CHRM3: variants seen among roughly 807,000 people sequenced by gnomAD.
CHRM3 encodes the protein muscarinic acetylcholine receptor M3.
In CHRM3, 11 loss-of-function variants were observed where a neutral mutation model predicts 41.8. The ratio of observed to expected loss-of-function variants is 0.26; its 90% confidence interval spans 0.17 to 0.44. The LOEUF (loss-of-function observed/expected upper bound fraction) is 0.44, where lower values mean the gene tolerates loss of function less well. CHRM3 is among the 20% of genes least tolerant of loss of function. The pLI, the probability that CHRM3 is intolerant of heterozygous loss-of-function variation, is 1.00. For synonymous variants in CHRM3, 297 were observed against 301.4 expected (o/e 0.99, Z 0.15); for missense variants, 571 against 745.4 (o/e 0.77, Z 2.72).
chr1:239,878,459 G>A (rs997139012), intron 6 of CHRM3, among the ~76,000 whole-genome samples: 12 of 152,052 alleles, frequency 7.9e-5, no homozygotes, highest in African/African-American at 2.9e-4. Context: ...TGTAAATACC[G>A]ATGAGGCTTC....
intron 1 of CHRM3, among the ~76,000 whole-genome samples, chr1:239,396,483 C>T (rs1659490135): frequency 6.6e-6 from 1 of 152,000 alleles, no homozygotes; most frequent in Non-Finnish European, 1.5e-5. Flanking sequence ...TGATTGTGCA[C>T]CTGCCTGTAG....
At chr1:239,403,360 G>C (rs1446589625) in intron 1 of CHRM3, among the ~76,000 whole-genome samples, 1 of 152,158 alleles carries the variant, frequency 6.6e-6, no homozygotes, top group East Asian at 1.9e-4. Context: ...CCTTGTTACT[G>C]TTCCCTTTGG....
At chr1:239,618,242 T>C (rs1454397639) in intron 3 of CHRM3, among the ~76,000 whole-genome samples, 1 of 150,148 alleles carries the variant, frequency 6.7e-6, no homozygotes, top group Non-Finnish European at 1.5e-5. Context: ...GAGATAGACA[T>C]GTGAATAGAG....
intron 3 of CHRM3, among the ~76,000 whole-genome samples, chr1:239,576,993 A>T (rs1293313859): frequency 6.6e-6 from 1 of 152,222 alleles, no homozygotes; most frequent in Non-Finnish European, 1.5e-5. Flanking sequence ...ATTTTCAAAA[A>T]GAAAAAATAA....
intron 5 of CHRM3, among the ~76,000 whole-genome samples, chr1:239,768,967 G>A (rs1011744510): frequency 2.5e-4 from 38 of 151,934 alleles, no homozygotes; most frequent in African/African-American, 8.5e-4. Flanking sequence ...TTTTCACCAC[G>A]TTGCCCAGGC....
chr1:239,793,266 C>T (rs1335242957), intron 5 of CHRM3, among the ~76,000 whole-genome samples: 1 of 152,154 alleles, frequency 6.6e-6, no homozygotes, highest in East Asian at 1.9e-4. Flanking sequence ...ACCTTTTCTT[C>T]CAAGAGTGAC....
At chr1:239,609,176 C>T (rs1213187240) in intron 3 of CHRM3, among the ~76,000 whole-genome samples, 2 of 152,130 alleles carry the variant, frequency 1.3e-5, no homozygotes, top group Non-Finnish European at 2.9e-5. Context: ...CACCAGGCAA[C>T]CATAGATATG....
intron 1 of CHRM3, among the ~76,000 whole-genome samples, chr1:239,456,769 A>G (rs913064700): frequency 6.6e-6 from 1 of 152,142 alleles, no homozygotes; most frequent in Non-Finnish European, 1.5e-5. Context: ...TGAATGCCAC[A>G]CTGGATCAAA....
At chr1:239,682,174 A>G (rs540638826) in intron 5 of CHRM3, among the ~76,000 whole-genome samples, 164 of 152,328 alleles carry the variant, frequency 1.1e-3, no homozygotes, top group African/African-American at 3.8e-3. Context: ...AACAGTGTTT[A>G]TTAATGAGAT....
chr1:239,494,897 A>G (rs916722534), intron 2 of CHRM3, among the ~76,000 whole-genome samples: 1 of 152,164 alleles, frequency 6.6e-6, no homozygotes, highest in Non-Finnish European at 1.5e-5. Context: ...TTATGGCTGC[A>G]TAGTATTCCA....
At chr1:239,449,532 T>G (rs1358945268) in intron 1 of CHRM3, among the ~76,000 whole-genome samples, 2 of 152,140 alleles carry the variant, frequency 1.3e-5, no homozygotes, top group African/African-American at 4.8e-5. Context: ...TATACTCTAT[T>G]CCACTAGTTG....
chr1:239,905,608 A>C (rs1679907585), intron 6 of CHRM3, among the ~76,000 whole-genome samples: 1 of 152,188 alleles, frequency 6.6e-6, no homozygotes. Context: ...CAGGAGGCTG[A>C]AGCATGAGAA....
intron 5 of CHRM3, among the ~76,000 whole-genome samples, chr1:239,747,272 A>C (rs7537514): frequency 6.6e-6 from 1 of 152,136 alleles, no homozygotes; most frequent in African/African-American, 2.4e-5. Context: ...AGCACCCACT[A>C]TCTGCCAGGC....
At chr1:239,841,878 G>T (rs948478186) in intron 6 of CHRM3, among the ~76,000 whole-genome samples, 1 of 152,240 alleles carries the variant, frequency 6.6e-6, no homozygotes, top group Non-Finnish European at 1.5e-5. Context: ...GACTTGGAGA[G>T]AAGTTGTGCA....
At chr1:239,873,338 A>ACTTTCT (rs1362047942) in intron 6 of CHRM3, among the ~76,000 whole-genome samples, 1 of 152,012 alleles carries the variant, frequency 6.6e-6, no homozygotes, top group Non-Finnish European at 1.5e-5. Context: ...GCAAAGGGAA[A>ACTTTCT]CTTTCTCTTT....
At chr1:239,634,860 T>C (rs983209500) in intron 4 of CHRM3, among the ~76,000 whole-genome samples, 55 of 152,298 alleles carry the variant, frequency 3.6e-4, no homozygotes, top group African/African-American at 1.3e-3. Context: ...GCCTAGCAAT[T>C]TTTGGCATTA....
chr1:239,659,407 C>T (rs1672994616), intron 4 of CHRM3, among the ~76,000 whole-genome samples: 1 of 152,112 alleles, frequency 6.6e-6, no homozygotes, highest in Middle Eastern at 3.2e-3. Context: ...GTCTCTCCTC[C>T]AGCCACTGTC....
At chr1:239,581,084 T>G (rs1662857247) in intron 3 of CHRM3, among the ~76,000 whole-genome samples, 1 of 152,090 alleles carries the variant, frequency 6.6e-6, no homozygotes, top group South Asian at 2.1e-4. Flanking sequence ...TTCATTTTAA[T>G]TTAGGATTTC....
chr1:239,710,366 T>C (rs1661647960), intron 5 of CHRM3, among the ~76,000 whole-genome samples: 1 of 152,192 alleles, frequency 6.6e-6, no homozygotes, highest in Non-Finnish European at 1.5e-5. Flanking sequence ...CTGATCTAAG[T>C]TGGGCAAATA....
Sources: allele counts gnomAD v4.1 joint callset (sites outside exome capture counted in the v4.1 genomes callset), GRCh38; gene constraint gnomAD v4.1.1; transcripts MANE v1.5; gene names NCBI Gene and HGNC (gene_info 2026-07-23, HGNC 2026-07-21).